The following ARHGAP12 variants were observed in gnomAD, a reference collection of about 807,000 sequenced individuals.
ARHGAP12 encodes the protein Rho GTPase activating protein 12.
A neutral mutation model predicts 108.6 loss-of-function variants in ARHGAP12; 64 were observed. The observed-to-expected ratio is 0.59, with a 90% confidence interval of 0.48 to 0.73. ARHGAP12 has a LOEUF of 0.73. Among genes scored for constraint, ARHGAP12 ranks in the 30% least tolerant of loss-of-function variants. The pLI, the probability that ARHGAP12 is intolerant of heterozygous loss-of-function variation, is 0.00. For missense variants in ARHGAP12, 940 were observed against 1,005.9 expected, an observed-to-expected ratio of 0.93 and a Z score of 0.89; for synonymous variants, 312 against 337.2, an observed-to-expected ratio of 0.93 and a Z score of 0.82.
chr10:31,881,176 C>A (rs973803450), intron 3 of ARHGAP12, among the ~76,000 whole-genome samples: 70 of 151,368 alleles, frequency 4.6e-4, no homozygotes, highest in African/African-American at 1.5e-3. Flanking sequence ...AGAAAAAAAA[C>A]TTACCACATC....
At chr10:31,878,457 C>T (rs2808079) in intron 3 of ARHGAP12, among the ~76,000 whole-genome samples, 66,346 of 152,052 alleles carry the variant, frequency 0.44, 15,049 homozygotes, top group Non-Finnish European at 0.51. Context: ...ATAGACACTT[C>T]TGTTTCAGAA....
Position 31,854,302 on chromosome 10 carries a change from T to C in ARHGAP12, c.949-96A>G, listed in dbSNP as rs374554730. ...AATAAATTTTACTTGACTATAAGTA[T>C]GAAGATATCTTAAATATATCTGAAT... is the stretch of plus-strand genomic sequence containing the variant. On this transcript the variant is annotated intron_variant, in intron 4 of 19. Transcript: ENST00000344936. 19 of 1,050,162 alleles carry C rather than the reference T, an allele frequency of 1.8e-5. No individual in the cohort carries two copies. In the African/African-American group the frequency reaches 2.6e-4, roughly 14 times the overall value. 65.1% of individuals were successfully genotyped at this position (1,050,162 alleles called of 1,614,324 possible).
intron 6 of ARHGAP12, among the ~76,000 whole-genome samples, chr10:31,847,538 C>G (rs1836508415): frequency 6.6e-6 from 1 of 152,176 alleles, no homozygotes; most frequent in Middle Eastern, 3.2e-3. Flanking sequence ...TGTTTTCATG[C>G]ATAGGCCACT....
intron 3 of ARHGAP12, among the ~76,000 whole-genome samples, chr10:31,871,285 T>C (rs1028330824): frequency 6.6e-6 from 1 of 152,356 alleles, no homozygotes; most frequent in Non-Finnish European, 1.5e-5. Context: ...GTGAATTCGT[T>C]ATCATGGTAT....
In ARHGAP12 at chr10:31,893,984, C is replaced by T. The variant is rs193262210; in HGVS notation, c.684+14188G>A. 2.9e-3 allele frequency among the ~76,000 whole-genome samples: 437 copies of T among 152,244 alleles called. 1 individual carries two copies. Among genetic ancestry groups the T allele is most frequent in the African/African-American group, 9.7e-3 (402 of 41,542 alleles). On this transcript the variant is annotated intron_variant, in intron 3 of 19. Transcript: ENST00000344936. ...ACGTAATCCAGCATATAAACAGAAT[C>T]AAAGACAAAAACCACATGATTATCT...
intron 4 of ARHGAP12, among the ~76,000 whole-genome samples, chr10:31,858,331 T>C (rs1239305874): frequency 6.6e-6 from 1 of 152,110 alleles, no homozygotes; most frequent in South Asian, 2.1e-4. Context: ...AAATACAACA[T>C]ATGACAGCAG....
intron 1 of ARHGAP12, among the ~76,000 whole-genome samples, chr10:31,912,661 A>C (rs1839400846): frequency 6.6e-6 from 1 of 152,218 alleles, no homozygotes; most frequent in Admixed American, 6.5e-5. Context: ...AAAGGTGGTT[A>C]GATACCAAGG....
At chr10:31,887,374 C>G (rs1056627106) in intron 3 of ARHGAP12, among the ~76,000 whole-genome samples, 13 of 152,220 alleles carry the variant, frequency 8.5e-5, no homozygotes, top group African/African-American at 3.1e-4. Context: ...ATAAAAACAC[C>G]CAGAATAATG....
chr10:31,921,592 C>T (rs1330026529), intron 1 of ARHGAP12, among the ~76,000 whole-genome samples: 2 of 151,340 alleles, frequency 1.3e-5, no homozygotes, highest in African/African-American at 2.4e-5. Flanking sequence ...GGTGAAACCC[C>T]GTCTCTACCA....
intron 11 of ARHGAP12, among the ~76,000 whole-genome samples, chr10:31,823,741 T>G (rs1463592288): frequency 6.6e-6 from 1 of 152,168 alleles, no homozygotes; most frequent in Non-Finnish European, 1.5e-5. Flanking sequence ...CTATTCCTTC[T>G]AACACCAAAG....
intron 16 of ARHGAP12, 62 bp downstream of exon 16, chr10:31,810,587 A>T (rs1834979377): frequency 8.6e-7 from 1 of 1,167,620 alleles, no homozygotes; most frequent in Admixed American, 2.4e-5. Context: ...AGGAATTTTG[A>T]TGGCAAAACA....
intron 4 of ARHGAP12, among the ~76,000 whole-genome samples, chr10:31,856,560 G>T (rs1836894743): frequency 6.6e-6 from 1 of 152,128 alleles, no homozygotes; most frequent in Non-Finnish European, 1.5e-5. Context: ...GAGTCTTCAT[G>T]AAATCCAAAT....
At chr10:31,824,101 A>C (rs951242) in intron 11 of ARHGAP12, among the ~76,000 whole-genome samples, 1 of 151,932 alleles carries the variant, frequency 6.6e-6, no homozygotes, top group African/African-American at 2.4e-5. Context: ...AAATACTCTT[A>C]CTTCCTTTTA....
At chr10:31,851,387 A>G (rs1053898670) in intron 6 of ARHGAP12, among the ~76,000 whole-genome samples, 11 of 152,192 alleles carry the variant, frequency 7.2e-5, no homozygotes, top group Non-Finnish European at 1.5e-4. Flanking sequence ...TGCTTCATCA[A>G]CAAATTAATC....
chr10:31,872,869 A>C (rs1837593228), intron 3 of ARHGAP12, among the ~76,000 whole-genome samples: 1 of 152,078 alleles, frequency 6.6e-6, no homozygotes, highest in Non-Finnish European at 1.5e-5. Flanking sequence ...TACTACTCAT[A>C]ATTCTATTAT....
chr10:31,905,533 T>C (rs1391288622), intron 3 of ARHGAP12, among the ~76,000 whole-genome samples: 1 of 152,172 alleles, frequency 6.6e-6, no homozygotes. Flanking sequence ...AGCAAATACA[T>C]ATCAGTTTTT....
At chr10:31,865,360 T>C (rs1349219902) in intron 3 of ARHGAP12, among the ~76,000 whole-genome samples, 1 of 152,124 alleles carries the variant, frequency 6.6e-6, no homozygotes, top group Non-Finnish European at 1.5e-5. Flanking sequence ...GAAGGTTAAA[T>C]TAACATACAG....
chr10:31,847,444 T>G (rs1836504995), intron 6 of ARHGAP12, among the ~76,000 whole-genome samples: 2 of 152,206 alleles, frequency 1.3e-5, no homozygotes, highest in African/African-American at 4.8e-5. Context: ...CCTGTTTGTG[T>G]GCTACCCAGA....
intron 1 of ARHGAP12, among the ~76,000 whole-genome samples, chr10:31,916,667 A>G (rs796067770): frequency 4.5e-4 from 69 of 152,276 alleles, no homozygotes; most frequent in African/African-American, 1.4e-3. Context: ...CGCAGGCTGG[A>G]GTGCAGTGGC....
Sources: allele counts gnomAD v4.1 joint callset (sites outside exome capture counted in the v4.1 genomes callset), GRCh38; gene constraint gnomAD v4.1.1; transcripts MANE v1.5; gene names NCBI Gene and HGNC (gene_info 2026-07-23, HGNC 2026-07-21).